Variants in FHIP1A observed in about 807,000 individuals in gnomAD.
FHIP1A encodes FHF complex subunit HOOK interacting protein 1A.
In FHIP1A, 61 loss-of-function variants were observed where a neutral mutation model predicts 88.6. The ratio of observed to expected loss-of-function variants is 0.69; its 90% confidence interval spans 0.56 to 0.85. FHIP1A has a LOEUF of 0.85. FHIP1A is among the 40% of genes least tolerant of loss of function. The pLI is 0.00. For missense variants in FHIP1A, 1,154 were observed against 1,273.5 expected (o/e 0.91, Z 1.43); for synonymous variants, 478 against 496.0 (o/e 0.96, Z 0.48).
chr4:151,627,523 A>AACT (rs541468074), intron 7 of FHIP1A, among the ~76,000 whole-genome samples: 11 of 152,256 alleles, frequency 7.2e-5, no homozygotes, highest in Non-Finnish European at 1.3e-4. Context: ...GTGTTACAGA[A>AACT]ACTACATACA....
At chr4:151,534,275 T>A (rs969423016) in intron 3 of FHIP1A, among the ~76,000 whole-genome samples, 2 of 152,266 alleles carry the variant, frequency 1.3e-5, no homozygotes, top group South Asian at 2.1e-4. Flanking sequence ...CACTATGTTA[T>A]GTTAAAGGTA....
rs577411094 is a variant in FHIP1A at position 151,459,903 on chromosome 4, G to A, written c.-248+5095G>A. Among the ~76,000 whole-genome samples, 4 of 152,200 alleles carry A rather than the reference G, an allele frequency of 2.6e-5. No homozygotes were observed. In the South Asian group the frequency reaches 8.3e-4, roughly 32 times the overall value. Reference sequence around the variant, plus strand: ...GAGAAAGACCTTTTGCATACACTTGGAATTCAGCTTTTTGTATATATATTT... The same window carrying A: ...GAGAAAGACCTTTTGCATACACTTGAAATTCAGCTTTTTGTATATATATTT... On this transcript the variant is annotated intron_variant, in intron 2 of 13. Coordinates refer to ENST00000435205, the MANE Select transcript of FHIP1A (RefSeq NM_001109977.3).
intron 3 of FHIP1A, among the ~76,000 whole-genome samples, chr4:151,505,602 G>C (rs1730807522): frequency 6.6e-6 from 1 of 152,140 alleles, no homozygotes; most frequent in Non-Finnish European, 1.5e-5. Flanking sequence ...CGGTAATTTT[G>C]AATAATTGAA....
At chr4:151,625,606 T>C (rs1735924111) in intron 7 of FHIP1A, among the ~76,000 whole-genome samples, 1 of 152,160 alleles carries the variant, frequency 6.6e-6, no homozygotes, top group Admixed American at 6.5e-5. Context: ...CTTCTGCAGT[T>C]GTGGGCATGA....
At chr4:151,519,788 T>A (rs1731388936) in intron 3 of FHIP1A, among the ~76,000 whole-genome samples, 1 of 152,138 alleles carries the variant, frequency 6.6e-6, no homozygotes, top group Non-Finnish European at 1.5e-5. Context: ...TGTATAAGAA[T>A]TCTGTTGCTC....
chr4:151,548,328 G>A (rs1353979325), intron 3 of FHIP1A, among the ~76,000 whole-genome samples: 3 of 152,150 alleles, frequency 2.0e-5, no homozygotes, highest in Non-Finnish European at 4.4e-5. Context: ...TTTATCAGAG[G>A]CCTTTGAACC....
At position 151,662,688 on chromosome 4, in the gene FHIP1A, C is replaced by T. The variant is rs768674307; in HGVS notation, c.3057C>T (p.Ala1019=). Residue 1019 remains alanine, a synonymous_variant, in exon 14 of 14, where the codon GCC becomes GCT. Coordinates refer to ENST00000435205, the MANE Select transcript of FHIP1A (RefSeq NM_001109977.3). ...CAGAGTTCCTGAAGGAGCTGGCGGC[C>T]TTGGCCCAGGAACACTCCATTCTGT... ...LFPEFLKELA[A]LAQEHSILCY... is the part of the protein sequence containing the mutation. 1 of 1,551,114 alleles carries T rather than the reference C, an allele frequency of 6.4e-7. No individual in the cohort carries two copies. The highest frequency in any genetic ancestry group is 1.4e-5 in the African/African-American group (1 of 72,890).
chr4:151,518,190 T>G (rs1731317686), intron 3 of FHIP1A, among the ~76,000 whole-genome samples: 1 of 152,202 alleles, frequency 6.6e-6, no homozygotes, highest in Non-Finnish European at 1.5e-5. Context: ...CATACTGTGT[T>G]TGTACCTTTT....
rs534643627 is a variant in FHIP1A, at chr4:151,550,659, A to G, written c.-122-15479A>G. 3.3e-5 allele frequency among the ~76,000 whole-genome samples: 5 copies of G among 152,328 alleles called. No individual in the cohort carries two copies. In the East Asian group the frequency reaches 5.8e-4, roughly 18 times the overall value. The stretch of plus-strand genomic sequence containing the variant: ...TACCATTTAAAAGATTTCTGAATTT[A>G]AAAAACTAATATTTTCCCTCTCTCT... On this transcript the variant is annotated intron_variant, in intron 3 of 13. Coordinates refer to ENST00000435205, the MANE Select transcript of FHIP1A (RefSeq NM_001109977.3).
chr4:151,652,605 A>C (rs544410073), intron 11 of FHIP1A, among the ~76,000 whole-genome samples: 2 of 152,358 alleles, frequency 1.3e-5, no homozygotes, highest in South Asian at 4.1e-4. Flanking sequence ...CCCAACAAAG[A>C]AGTGTACTCT....
chr4:151,632,552 T>C (rs1350703378), intron 8 of FHIP1A, among the ~76,000 whole-genome samples: 1 of 152,038 alleles, frequency 6.6e-6, no homozygotes, highest in African/African-American at 2.4e-5. Flanking sequence ...CAAGGGCACA[T>C]GGAACATTCT....
At position 151,516,904 on chromosome 4, in the gene FHIP1A, G is replaced by A. The variant is rs974230879; in HGVS notation, c.-123+34256G>A. 9.8e-4 allele frequency among the ~76,000 whole-genome samples: 149 copies of A among 152,074 alleles called. 1 individual carries two copies. The highest frequency in any genetic ancestry group is 6.8e-3 in the Middle Eastern group (2 of 294). ...TGGAAGTCAGTGTGGTGATTCCTCA[G>A]GGATCTAGAACTAGAAATACCATTT... On this transcript the variant is annotated intron_variant, in intron 3 of 13. Transcript: ENST00000435205.
intron 1 of FHIP1A, among the ~76,000 whole-genome samples, chr4:151,423,194 C>T (rs371986219): frequency 2.0e-5 from 3 of 152,108 alleles, no homozygotes; most frequent in Admixed American, 1.3e-4. Flanking sequence ...TCCTTTTACC[C>T]GTTGCTTTAA....
chr4:151,544,427 G>T, intron 3 of FHIP1A, among the ~76,000 whole-genome samples: 1 of 152,026 alleles, frequency 6.6e-6, no homozygotes, highest in East Asian at 1.9e-4. Flanking sequence ...CAACACTTTG[G>T]GTCTAAGATA....
At chr4:151,553,607 G>C (rs1732831224) in intron 3 of FHIP1A, among the ~76,000 whole-genome samples, 2 of 152,150 alleles carry the variant, frequency 1.3e-5, no homozygotes, top group African/African-American at 4.8e-5. Context: ...AGCTAGACTT[G>C]ACTTAACCAG....
rs112397941 is a variant in FHIP1A, at chr4:151,469,532, A to G, written c.-247-12992A>G. 8.2e-3 allele frequency among the ~76,000 whole-genome samples: 1,245 copies of G among 152,274 alleles called. 15 individuals carry two copies. Among genetic ancestry groups the G allele is most frequent in the African/African-American group, 0.029 (1,207 of 41,538 alleles). ...AAAAACTAGGTTTACCCATCACATA[A>G]AAGCTTGGACACTCCCACTACACTC... On this transcript the variant is annotated intron_variant, in intron 2 of 13. Transcript: ENST00000435205.
At chr4:151,596,091 C>T (rs1236421018) in intron 7 of FHIP1A, among the ~76,000 whole-genome samples, 3 of 152,046 alleles carry the variant, frequency 2.0e-5, no homozygotes, top group African/African-American at 7.2e-5. Flanking sequence ...TTATTTTGCC[C>T]ATTAGTTGAT....
Position 151,598,716 on chromosome 4 carries a change from A to AT in FHIP1A, c.978+9797dup, listed in dbSNP as rs368606865. 3.0e-3 allele frequency among the ~76,000 whole-genome samples: 464 copies of AT among 152,198 alleles called. 3 individuals are homozygous for AT. Among genetic ancestry groups the AT allele is most frequent in the African/African-American group, 0.011 (443 of 41,518 alleles). ...AGCATTTCTGAACCAGAGATTTCTG[A>AT]TTTTTTTAAGGGGCTGCATAGTTTT... On this transcript the variant is annotated intron_variant, in intron 7 of 13. Coordinates refer to ENST00000435205, the MANE Select transcript of FHIP1A (RefSeq NM_001109977.3).
chr4:151,556,991 C>T (rs1440067739), intron 3 of FHIP1A, among the ~76,000 whole-genome samples: 1 of 152,014 alleles, frequency 6.6e-6, no homozygotes, highest in Non-Finnish European at 1.5e-5. Flanking sequence ...GGGATGTTAG[C>T]TGGTAATTTT....
Sources: allele counts gnomAD v4.1 joint callset (sites outside exome capture counted in the v4.1 genomes callset), GRCh38; gene constraint gnomAD v4.1.1; transcripts MANE v1.5; gene names NCBI Gene and HGNC (gene_info 2026-07-23, HGNC 2026-07-21).